NAV2: variants seen among roughly 807,000 people sequenced by gnomAD.
NAV2 encodes the protein helicase, APC down-regulated 1.
Under a neutral mutation model 223.2 loss-of-function variants are expected in NAV2, and 54 were observed. The observed-to-expected ratio is 0.24, with a 90% CI of 0.19 to 0.30. NAV2 has a LOEUF of 0.30. NAV2 is among the 10% of genes least tolerant of loss of function. The pLI is 1.00. For synonymous variants in NAV2, 1,279 were observed against 1,239.3 expected, an observed-to-expected ratio of 1.03 and a Z score of -0.67; for missense variants, 2,806 against 3,147.5, an observed-to-expected ratio of 0.89 and a Z score of 2.60.
At chr11:19,968,610 A>G (rs1294108174) in intron 10 of NAV2, among the ~76,000 whole-genome samples, 2 of 152,148 alleles carry the variant, frequency 1.3e-5, no homozygotes, top group Non-Finnish European at 1.5e-5. Context: ...TTTGCCTTCA[A>G]TCCCATTTGA....
At chr11:19,841,754 AG>A (rs1331429272) in intron 2 of NAV2, among the ~76,000 whole-genome samples, 1 of 152,168 alleles carries the variant, frequency 6.6e-6, no homozygotes, top group African/African-American at 2.4e-5. Flanking sequence ...TTTACTGTGG[AG>A]CCCTAGCTGA....
intron 1 of NAV2, among the ~76,000 whole-genome samples, chr11:19,462,178 C>T (rs1852191088): frequency 6.6e-6 from 1 of 152,184 alleles, no homozygotes. Context: ...GAGTGGTTCT[C>T]AAACTTCATC....
intron 1 of NAV2, among the ~76,000 whole-genome samples, chr11:19,554,991 T>C (rs1394748675): frequency 7.5e-6 from 1 of 132,648 alleles, no homozygotes; most frequent in Non-Finnish European, 1.6e-5. Context: ...GGGGTTTCTA[T>C]CTCATACATA....
rs530772565 is a variant in NAV2, at chr11:19,897,321, G to A, written c.931+4727G>A. On this transcript the variant is annotated intron_variant, in intron 6 of 37. Coordinates refer to ENST00000349880, the MANE Select transcript of NAV2 (RefSeq NM_145117.5). ...TGGGTTCAGCACACCAACATGGCAC[G>A]GGTATACATATGTAACTAACCTGCA... Among the ~76,000 whole-genome samples, 384 of 152,014 alleles carry A rather than the reference G, an allele frequency of 2.5e-3. 6 individuals are homozygous for A. The highest frequency in any genetic ancestry group is 6.4e-3 in the African/African-American group (265 of 41,438).
chr11:19,830,150 G>A (rs570230566), intron 1 of NAV2, among the ~76,000 whole-genome samples: 12 of 152,226 alleles, frequency 7.9e-5, no homozygotes, highest in South Asian at 4.2e-4. Context: ...TCTTGAACCC[G>A]GGAGGCGGAG....
chr11:20,113,048 T>C (rs2062771693), intron 36 of NAV2, among the ~76,000 whole-genome samples: 1 of 152,190 alleles, frequency 6.6e-6, no homozygotes, highest in Non-Finnish European at 1.5e-5. Context: ...TAAGGCCCCC[T>C]GCAGAGTCCT....
At position 20,070,787 on chromosome 11, in the gene NAV2, T is replaced by C. The variant is rs1220335106; in HGVS notation, c.4983+2389T>C. Among the ~76,000 whole-genome samples the C allele has an allele frequency of 4.6e-5, 7 of 152,060 alleles. No homozygotes were observed. In the South Asian group the frequency reaches 1.0e-3, roughly 23 times the overall value. ...GTTGTGTGTGGCTCTGAACCAGGCT[T>C]GGAACAGCCTCCACAGTCTGTATTT... On this transcript the variant is annotated intron_variant, in intron 22 of 37. Coordinates refer to ENST00000349880, the MANE Select transcript of NAV2 (RefSeq NM_145117.5).
Position 20,045,362 on chromosome 11 carries a change from G to C in NAV2, c.3594G>C (p.Lys1198Asn). The C allele has an allele frequency of 6.2e-7, 1 of 1,614,178 alleles. No homozygotes were observed. The highest frequency in any genetic ancestry group is 8.5e-7 in the Non-Finnish European group (1 of 1,180,034). ...LQYRSLPRPS[K>N]SNSRNGAGNR... is the part of the protein sequence containing the mutation. Reference sequence around the variant, plus strand: ...ACCGGAGTTTGCCGAGGCCCAGTAAGTCCAACAGCCGGAACGGGGCTGGGA... The same window carrying C: ...ACCGGAGTTTGCCGAGGCCCAGTAACTCCAACAGCCGGAACGGGGCTGGGA... Residue 1198 changes from lysine to asparagine, a missense_variant, in exon 14 of 38, where the codon AAG (lysine) becomes AAC (asparagine). Coordinates refer to ENST00000349880, the MANE Select transcript of NAV2 (RefSeq NM_145117.5).
chr11:19,793,549 C>G (rs1306372368), intron 1 of NAV2, among the ~76,000 whole-genome samples: 1 of 152,180 alleles, frequency 6.6e-6, no homozygotes, highest in African/African-American at 2.4e-5. Flanking sequence ...CTGCCGTCAC[C>G]TAGCCTGGGC....
chr11:19,724,920 G>A (rs1369210952), intron 1 of NAV2, among the ~76,000 whole-genome samples: 1 of 152,238 alleles, frequency 6.6e-6, no homozygotes, highest in Admixed American at 6.5e-5. Flanking sequence ...CTGGGGCACA[G>A]TAGGCACTTA....
rs190859438 is a variant in NAV2, at chr11:19,684,459, C to T, written c.76-148025C>T. 3.3e-5 allele frequency among the ~76,000 whole-genome samples: 5 copies of T among 152,166 alleles called. No homozygotes were observed. The East Asian group carries it at 5.8e-4, about 18-fold the overall frequency. ...TTGATCTAAAGGTCATTCTTGGTGG[C>T]CCACAACTCTCAGAAGAGGGGCAGC... On this transcript the variant is annotated intron_variant, in intron 1 of 37. Transcript: ENST00000360655.
At chr11:19,615,987 C>T (rs777898274) in intron 1 of NAV2, among the ~76,000 whole-genome samples, 5 of 152,170 alleles carry the variant, frequency 3.3e-5, no homozygotes, top group Non-Finnish European at 7.4e-5. Flanking sequence ...ATCATGCTCT[C>T]AGAGCTGTTT....
intron 1 of NAV2, among the ~76,000 whole-genome samples, chr11:19,831,712 A>G (rs886394519): frequency 6.6e-6 from 1 of 152,122 alleles, no homozygotes; most frequent in Non-Finnish European, 1.5e-5. Context: ...TTTCCTGACC[A>G]TTCTGTGACC....
At chr11:19,387,663 T>A (rs1298739326) in intron 1 of NAV2, among the ~76,000 whole-genome samples, 5 of 152,150 alleles carry the variant, frequency 3.3e-5, no homozygotes, top group Non-Finnish European at 7.4e-5. Context: ...TCCCAGAGAC[T>A]GGAAATAGAG....
At chr11:19,729,979 C>A (rs1471624478) in intron 1 of NAV2, among the ~76,000 whole-genome samples, 1 of 152,196 alleles carries the variant, frequency 6.6e-6, no homozygotes, top group Non-Finnish European at 1.5e-5. Context: ...AATCTAGCCT[C>A]CACCTTAGGA....
chr11:19,996,476 T>A (rs2051901144), intron 11 of NAV2, among the ~76,000 whole-genome samples: 1 of 152,212 alleles, frequency 6.6e-6, no homozygotes, highest in Admixed American at 6.5e-5. Context: ...GCTGAGGGAA[T>A]TCTATCCTTT....
At chr11:19,712,496 G>A (rs1160552565), upstream of NAV2, 1 of 152,230 alleles carries the variant, frequency 6.6e-6, no homozygotes, top group East Asian at 1.9e-4. Flanking sequence ...GGTGACCGGA[G>A]CAATTTGAAA....
chr11:19,806,579 C>T (rs925979227), intron 1 of NAV2, among the ~76,000 whole-genome samples: 2 of 152,202 alleles, frequency 1.3e-5, no homozygotes, highest in African/African-American at 2.4e-5. Flanking sequence ...AGCTTTGCTT[C>T]TTGTTAACTA....
At chr11:19,895,731 T>C (rs1167820188) in intron 6 of NAV2, among the ~76,000 whole-genome samples, 2 of 152,204 alleles carry the variant, frequency 1.3e-5, no homozygotes, top group South Asian at 2.1e-4. Flanking sequence ...TTTTTTTTTA[T>C]ACTAACTTTT....
Sources: gnomAD v4.1 joint callset for allele counts (sites outside exome capture counted in the v4.1 genomes callset) on GRCh38, gnomAD v4.1.1 for gene constraint, MANE v1.5 for transcripts, NCBI Gene and HGNC (gene_info 2026-07-23, HGNC 2026-07-21) for gene names.